The following TMEM108 variants were observed in gnomAD, a reference collection of about 807,000 sequenced individuals.
TMEM108 encodes the protein transmembrane protein 108.
Under a neutral mutation model 35.1 loss-of-function variants are expected in TMEM108, and 12 were observed. The observed-to-expected ratio is 0.34, with a 90% CI of 0.22 to 0.55. TMEM108 has a LOEUF of 0.55. Among genes scored for constraint, TMEM108 ranks in the 20% least tolerant of loss-of-function variants. The pLI is 0.89. For synonymous variants in TMEM108, 287 were observed against 308.6 expected (o/e 0.93, Z 0.73); for missense variants, 680 against 753.3 (o/e 0.90, Z 1.14).
intron 2 of TMEM108, among the ~76,000 whole-genome samples, chr3:133,069,352 T>A (rs185692145): frequency 6.6e-6 from 1 of 152,290 alleles, no homozygotes; most frequent in African/African-American, 2.4e-5. Flanking sequence ...AGTTCTTTTT[T>A]AAAATAAACT....
intron 3 of TMEM108, among the ~76,000 whole-genome samples, chr3:133,277,469 C>T (rs1204388913): frequency 6.6e-6 from 1 of 152,170 alleles, no homozygotes; most frequent in Non-Finnish European, 1.5e-5. Flanking sequence ...AACAGCATGA[C>T]ACCATCCAAA....
chr3:133,105,128 C>T (rs1015932876), intron 2 of TMEM108, among the ~76,000 whole-genome samples: 1 of 152,190 alleles, frequency 6.6e-6, no homozygotes, highest in Non-Finnish European at 1.5e-5. Context: ...TTCTCTAGGT[C>T]AGAAGTCCAG....
At chr3:133,133,318 C>T (rs1214140982) in intron 2 of TMEM108, among the ~76,000 whole-genome samples, 1 of 152,168 alleles carries the variant, frequency 6.6e-6, no homozygotes, top group Non-Finnish European at 1.5e-5. Flanking sequence ...GGATCCTCTA[C>T]CAGCAAAAAG....
chr3:133,189,608 G>A (rs184530796), intron 2 of TMEM108, among the ~76,000 whole-genome samples: 1 of 152,136 alleles, frequency 6.6e-6, no homozygotes, highest in Non-Finnish European at 1.5e-5. Flanking sequence ...ATGGAACAAA[G>A]TATCACCAAG....
intron 2 of TMEM108, among the ~76,000 whole-genome samples, chr3:133,173,737 C>A (rs965491351): frequency 6.6e-6 from 1 of 152,152 alleles, no homozygotes; most frequent in Non-Finnish European, 1.5e-5. Flanking sequence ...CAAATAGGAA[C>A]AGCTCTAGTC....
At chr3:133,354,333 A>G (rs1331641189) in intron 3 of TMEM108, among the ~76,000 whole-genome samples, 4 of 152,032 alleles carry the variant, frequency 2.6e-5, no homozygotes, top group Admixed American at 2.0e-4. Flanking sequence ...ACATCTGGAG[A>G]TTCAGATCAT....
At chr3:133,371,100 C>T (rs892160504) in intron 3 of TMEM108, among the ~76,000 whole-genome samples, 3 of 152,254 alleles carry the variant, frequency 2.0e-5, no homozygotes, top group African/African-American at 4.8e-5. Flanking sequence ...AAAATCAGCC[C>T]GTTGAGCTCC....
At chr3:133,374,955 C>T (rs2072791194) in intron 3 of TMEM108, among the ~76,000 whole-genome samples, 1 of 152,228 alleles carries the variant, frequency 6.6e-6, no homozygotes, top group Admixed American at 6.5e-5. Flanking sequence ...TGCAGCCAAG[C>T]TGCCTAGGAA....
chr3:133,378,964 G>T (rs2072922873), intron 3 of TMEM108, among the ~76,000 whole-genome samples: 2 of 152,276 alleles, frequency 1.3e-5, no homozygotes, highest in South Asian at 4.1e-4. Context: ...GGCACCTTCT[G>T]TTCCAGGCTG....
At chr3:133,196,826 T>C (rs1479648241) in intron 2 of TMEM108, among the ~76,000 whole-genome samples, 1 of 152,198 alleles carries the variant, frequency 6.6e-6, no homozygotes, top group Non-Finnish European at 1.5e-5. Context: ...ATGTCATTCT[T>C]CCAGGTGGGA....
At chr3:133,101,809 C>T (rs1375233460) in intron 2 of TMEM108, among the ~76,000 whole-genome samples, 2 of 152,150 alleles carry the variant, frequency 1.3e-5, no homozygotes, top group African/African-American at 4.8e-5. Flanking sequence ...ATTGGAATCC[C>T]ATGTCATTTT....
At chr3:133,195,708 T>C (rs1945565844) in intron 2 of TMEM108, among the ~76,000 whole-genome samples, 1 of 152,192 alleles carries the variant, frequency 6.6e-6, no homozygotes, top group Non-Finnish European at 1.5e-5. Flanking sequence ...AATGAACCAG[T>C]GACATTCTAA....
intron 2 of TMEM108, among the ~76,000 whole-genome samples, chr3:133,102,485 T>C (rs1315746440): frequency 6.6e-6 from 1 of 152,210 alleles, no homozygotes; most frequent in Non-Finnish European, 1.5e-5. Context: ...TGTGTGCTCA[T>C]GTACCGCCAC....
rs141422872 is a variant in TMEM108, at chr3:133,287,393, G to A, written c.40+58042G>A. 6.6e-5 allele frequency among the ~76,000 whole-genome samples: 10 copies of A among 152,318 alleles called. No homozygotes were observed. The East Asian group carries it at 1.5e-3, about 23-fold the overall frequency. On this transcript the variant is annotated intron_variant, in intron 3 of 5. Coordinates refer to ENST00000321871, the MANE Select transcript of TMEM108 (RefSeq NM_023943.4). ...ATGGATTAGTCAAGTATCTAATGCA[G>A]TATATCATGCGTATCTACTCCCTGA...
chr3:133,166,204 GGAGGAGGGA>G (rs1945034074), intron 2 of TMEM108, among the ~76,000 whole-genome samples: 1 of 152,180 alleles, frequency 6.6e-6, no homozygotes, highest in Admixed American at 6.5e-5. Flanking sequence ...GGTAGGGTTG[GGAGGAGGGA>G]GAGCATCATT....
intron 2 of TMEM108, among the ~76,000 whole-genome samples, chr3:133,149,041 C>A (rs1183534373): frequency 6.6e-6 from 1 of 151,872 alleles, no homozygotes; most frequent in Admixed American, 6.6e-5. Flanking sequence ...AATATTTAAC[C>A]TAGCTTATAT....
chr3:133,348,104 A>T (rs560015119), intron 3 of TMEM108, among the ~76,000 whole-genome samples: 4 of 151,524 alleles, frequency 2.6e-5, no homozygotes, highest in African/African-American at 7.3e-5. Context: ...TTTTTGAAAA[A>T]CAAGAGTAAT....
Position 133,395,849 on chromosome 3 carries a change from CCTCT to C in TMEM108, c.1606-10_1606-7del. 1 of 1,568,066 alleles carries C rather than the reference CCTCT, an allele frequency of 6.4e-7. No individual in the cohort carries two copies. Among genetic ancestry groups the C allele is most frequent in the Non-Finnish European group, 8.6e-7 (1 of 1,159,124 alleles). On this transcript the variant is annotated splice_polypyrimidine_tract_variant and intron_variant, in intron 5 of 5. Transcript: ENST00000321871. ...CTTCTCCAGCTCACTCCATCTCCTCCCTCTCTCTTCCCAGGACCAGCTCTCAGAG... is the reference window on the plus strand; with the variant it reads ...CTTCTCCAGCTCACTCCATCTCCTCCCTCTTCCCAGGACCAGCTCTCAGAG...
At chr3:133,064,397 C>T (rs980486759) in intron 2 of TMEM108, among the ~76,000 whole-genome samples, 2 of 152,130 alleles carry the variant, frequency 1.3e-5, no homozygotes, top group African/African-American at 2.4e-5. Context: ...TGGACAGATG[C>T]GTGGGTCTTT....
Sources: gnomAD v4.1 joint callset for allele counts (sites outside exome capture counted in the v4.1 genomes callset) on GRCh38, gnomAD v4.1.1 for gene constraint, MANE v1.5 for transcripts, NCBI Gene and HGNC (gene_info 2026-07-23, HGNC 2026-07-21) for gene names.